MLLT10: variants seen among roughly 807,000 people sequenced by gnomAD.
MLLT10 encodes protein AF-10.
Under a neutral mutation model 129.1 loss-of-function variants are expected in MLLT10, and 30 were observed. That is an observed-to-expected ratio of 0.23 (90% CI 0.17 to 0.32). The LOEUF is 0.32. Ranked by LOEUF, MLLT10 falls within the 10% of genes least tolerant of loss-of-function variation. MLLT10 has a pLI of 1.00. For synonymous variants in MLLT10, 490 were observed against 446.4 expected (o/e 1.10, Z -1.23); for missense variants, 1,119 against 1,268.3 (o/e 0.88, Z 1.79).
intron 4 of MLLT10, among the ~76,000 whole-genome samples, chr10:21,592,644 G>C (rs1238100380): frequency 2.0e-5 from 3 of 152,108 alleles, no homozygotes; most frequent in African/African-American, 7.2e-5. Flanking sequence ...TTTTAGTAGA[G>C]ACGGTGTTTC....
At chr10:21,627,740 A>G (rs1343000820) in intron 8 of MLLT10, among the ~76,000 whole-genome samples, 5 of 152,238 alleles carry the variant, frequency 3.3e-5, no homozygotes, top group Admixed American at 1.3e-4. Context: ...ATTGTTTGCT[A>G]TCTGCAGAGA....
intron 3 of MLLT10, among the ~76,000 whole-genome samples, chr10:21,539,876 C>T (rs1476173374): frequency 6.7e-6 from 1 of 150,074 alleles, no homozygotes; most frequent in African/African-American, 2.5e-5. Context: ...ACCTGGGAGG[C>T]GGAGGTTGCA....
chr10:21,557,137 C>T (rs900515051), intron 3 of MLLT10: 29 of 1,369,198 alleles, frequency 2.1e-5, no homozygotes, highest in African/African-American at 1.3e-4. Context: ...TTTTCCTCTT[C>T]GCTGTTAAAC....
At chr10:21,739,998 A>C (rs1043977383) in intron 21 of MLLT10, 32 bp from the exon 22 acceptor site, 1,575 of 1,279,304 alleles carry the variant, frequency 1.2e-3, no homozygotes, top group Non-Finnish European at 1.6e-3. Context: ...GTGCTTGGGA[A>C]CTCATTTTCT....
intron 5 of MLLT10, among the ~76,000 whole-genome samples, chr10:21,603,028 G>A (rs775994675): frequency 6.6e-6 from 1 of 151,574 alleles, no homozygotes; most frequent in Non-Finnish European, 1.5e-5. Context: ...CACTGCGCCC[G>A]GCCTATCTTA....
At chr10:21,739,550 T>A (rs140789143) in intron 21 of MLLT10, among the ~76,000 whole-genome samples, 1 of 152,214 alleles carries the variant, frequency 6.6e-6, no homozygotes, top group Non-Finnish European at 1.5e-5. Flanking sequence ...CTCAATGTGT[T>A]TCAAGCACCA....
chr10:21,703,555 T>A (rs1026703821), intron 13 of MLLT10, among the ~76,000 whole-genome samples: 3 of 151,652 alleles, frequency 2.0e-5, no homozygotes, highest in African/African-American at 7.3e-5. Flanking sequence ...GGGAAGTTCT[T>A]TTTTTTTGAG....
chr10:21,647,525 C>T (rs1490994146), intron 8 of MLLT10, among the ~76,000 whole-genome samples: 1 of 152,116 alleles, frequency 6.6e-6, no homozygotes, highest in African/African-American at 2.4e-5. Context: ...TATATGTTTA[C>T]ATTTTCTCTA....
intron 3 of MLLT10, among the ~76,000 whole-genome samples, chr10:21,572,949 T>C (rs910341289): frequency 6.6e-6 from 1 of 152,180 alleles, no homozygotes; most frequent in Non-Finnish European, 1.5e-5. Flanking sequence ...TTTTTGATGC[T>C]ATTTTAAAAT....
chr10:21,697,120 A>AAT (rs1554853296), intron 13 of MLLT10, among the ~76,000 whole-genome samples: 2 of 151,246 alleles, frequency 1.3e-5, no homozygotes, highest in African/African-American at 4.9e-5. Flanking sequence ...AAAAAAAAAA[A>AAT]AAGAGGGAGA....
Position 21,743,573 on chromosome 10 carries a change from T to C in MLLT10, c.*1590T>C, listed in dbSNP as rs1387349335. On this transcript the variant is annotated 3_prime_UTR_variant, in exon 23 of 23. Coordinates refer to ENST00000307729, the MANE Select transcript of MLLT10 (RefSeq NM_001195626.3). ...TTGTTATTTTACCTAGATGTAAAATTCCACATGTATTAAAATGTACAAAAT... is the reference window on the plus strand; with the variant it reads ...TTGTTATTTTACCTAGATGTAAAATCCCACATGTATTAAAATGTACAAAAT... The C allele has an allele frequency of 1.7e-5, 3 of 176,736 alleles. No individual in the cohort carries two copies. 10.9% of individuals were successfully genotyped at this position (176,736 alleles called of 1,614,324 possible).
At chr10:21,647,808 C>T (rs1455275514) in intron 8 of MLLT10, among the ~76,000 whole-genome samples, 5 of 151,574 alleles carry the variant, frequency 3.3e-5, no homozygotes, top group Admixed American at 6.6e-5. Flanking sequence ...ACCGTCTTCC[C>T]AGTTTGGTTT....
chr10:21,628,116 T>C (rs183727945), intron 8 of MLLT10, among the ~76,000 whole-genome samples: 89 of 152,326 alleles, frequency 5.8e-4, no homozygotes, highest in African/African-American at 1.7e-3. Flanking sequence ...TTTGCTGATA[T>C]TCTCCTGCAA....
At chr10:21,621,394 G>A (rs1482244038) in intron 8 of MLLT10, among the ~76,000 whole-genome samples, 1 of 150,700 alleles carries the variant, frequency 6.6e-6, no homozygotes, top group East Asian at 1.9e-4. Flanking sequence ...ATAGGCGCCC[G>A]CCAACACGCC....
chr10:21,717,716 T>TCCC (rs2056786442), intron 14 of MLLT10, among the ~76,000 whole-genome samples: 1 of 17,466 alleles, frequency 5.7e-5, no homozygotes, highest in Non-Finnish European at 1.1e-4. Context: ...CCTCCTCCTC[T>TCCC]TCCTCCTCCT....
intron 5 of MLLT10, among the ~76,000 whole-genome samples, chr10:21,602,130 C>T (rs1436928806): frequency 1.3e-5 from 2 of 152,172 alleles, no homozygotes; most frequent in East Asian, 1.9e-4. Flanking sequence ...AAGCTATTTT[C>T]ACCTAGACAA....
intron 13 of MLLT10, among the ~76,000 whole-genome samples, chr10:21,699,475 C>T (rs908864859): frequency 1.9e-4 from 29 of 151,760 alleles, no homozygotes; most frequent in African/African-American, 7.0e-4. Context: ...AAGTGTTTTC[C>T]TTGTGTTTTC....
At chr10:21,567,386 G>A (rs1205587959) in intron 3 of MLLT10, among the ~76,000 whole-genome samples, 2 of 152,164 alleles carry the variant, frequency 1.3e-5, no homozygotes, top group Non-Finnish European at 2.9e-5. Context: ...TGTGGTGGAT[G>A]TGGCCTTGTT....
chr10:21,708,749 C>T (rs1380432411), intron 13 of MLLT10: 1 of 985,142 alleles, frequency 1.0e-6, no homozygotes, highest in Non-Finnish European at 1.2e-6. Flanking sequence ...TATTATTCTT[C>T]CAAGATGTTT....
Sources: allele counts gnomAD v4.1 joint callset (sites outside exome capture counted in the v4.1 genomes callset), GRCh38; gene constraint gnomAD v4.1.1; transcripts MANE v1.5; gene names NCBI Gene and HGNC (gene_info 2026-07-23, HGNC 2026-07-21).